PALLD: variants seen among roughly 807,000 people sequenced by gnomAD.
PALLD encodes the protein palladin.
A neutral mutation model predicts 123.5 loss-of-function variants in PALLD; 61 were observed. The ratio of observed to expected loss-of-function variants is 0.49; its 90% CI spans 0.40 to 0.61. The LOEUF is 0.61. PALLD is among the 20% of genes least tolerant of loss of function. The pLI is 0.00. For missense variants in PALLD, 1,273 were observed against 1,377.0 expected, an observed-to-expected ratio of 0.92 and a Z score of 1.20; for synonymous variants, 465 against 496.4, an observed-to-expected ratio of 0.94 and a Z score of 0.84.
At chr4:168,759,020 C>T (rs1224859938) in intron 10 of PALLD, among the ~76,000 whole-genome samples, 1 of 147,750 alleles carries the variant, frequency 6.8e-6, no homozygotes, top group Non-Finnish European at 1.5e-5. Context: ...ACTAAAAATA[C>T]AAAAAAAAAT....
chr4:168,625,862 G>C (rs1313256279), intron 2 of PALLD, among the ~76,000 whole-genome samples: 5 of 151,936 alleles, frequency 3.3e-5, no homozygotes, highest in Non-Finnish European at 7.4e-5. Flanking sequence ...CTCACTTCTG[G>C]GTACATAGCC....
chr4:168,745,008 G>C (rs183335863), intron 10 of PALLD, among the ~76,000 whole-genome samples: 2 of 152,304 alleles, frequency 1.3e-5, no homozygotes, highest in East Asian at 1.9e-4. Flanking sequence ...AGGAGCATCT[G>C]TATAGGCTTT....
rs141763912 is a variant in PALLD, at chr4:168,565,614, G to A, written c.908+53202G>A. The stretch of plus-strand genomic sequence containing the variant: ...GGTCTAATGTCATCTGGAGGTCAAG[G>A]GAAAGCCAGGAGGTCCTCCAGCAGG... On this transcript the variant is annotated intron_variant, in intron 2 of 21. Coordinates refer to ENST00000505667, the MANE Select transcript of PALLD (RefSeq NM_001166108.2). Among the ~76,000 whole-genome samples, 323 of 152,050 alleles carry A rather than the reference G, an allele frequency of 2.1e-3. 5 individuals are homozygous for A. The South Asian group carries it at 0.026, about 12-fold the overall frequency.
At chr4:168,831,842 C>G (rs981497347) in intron 10 of PALLD, among the ~76,000 whole-genome samples, 2 of 152,214 alleles carry the variant, frequency 1.3e-5, no homozygotes, top group Non-Finnish European at 2.9e-5. Context: ...CAGGAAAGCC[C>G]GATTTGTAGC....
intron 10 of PALLD, among the ~76,000 whole-genome samples, chr4:168,821,422 T>G (rs527827363): frequency 3.3e-5 from 5 of 152,158 alleles, no homozygotes; most frequent in Non-Finnish European, 7.3e-5. Flanking sequence ...TTTTTCATCA[T>G]TCATCCCCTT....
intron 3 of PALLD, among the ~76,000 whole-genome samples, chr4:168,669,053 A>C (rs1294787030): frequency 6.6e-6 from 1 of 152,226 alleles, no homozygotes; most frequent in Non-Finnish European, 1.5e-5. Context: ...TAAGCACTGT[A>C]GTGTATATAC....
At chr4:168,777,292 T>C (rs1168759494) in intron 10 of PALLD, among the ~76,000 whole-genome samples, 1 of 152,200 alleles carries the variant, frequency 6.6e-6, no homozygotes, top group African/African-American at 2.4e-5. Flanking sequence ...CAGTAAGCAC[T>C]GCTGCAGTTA....
At chr4:168,518,609 T>C (rs543902277) in intron 2 of PALLD, among the ~76,000 whole-genome samples, 14 of 152,302 alleles carry the variant, frequency 9.2e-5, no homozygotes, top group African/African-American at 2.9e-4. Flanking sequence ...ATCTGCAGGA[T>C]TAAATCCTTG....
At chr4:168,716,510 C>T (rs112954446) in intron 10 of PALLD, among the ~76,000 whole-genome samples, 7 of 152,290 alleles carry the variant, frequency 4.6e-5, no homozygotes, top group African/African-American at 1.2e-4. Flanking sequence ...AAGAGTAAAA[C>T]GATTTCAGGC....
At chr4:168,722,633 A>G (rs1382224989) in intron 10 of PALLD, among the ~76,000 whole-genome samples, 2 of 152,238 alleles carry the variant, frequency 1.3e-5, no homozygotes, top group Admixed American at 1.3e-4. Context: ...AGGAATGTGT[A>G]TATTTCCTGG....
At chr4:168,651,648 T>C (rs1271692550) in intron 2 of PALLD, among the ~76,000 whole-genome samples, 1 of 152,154 alleles carries the variant, frequency 6.6e-6, no homozygotes, top group Non-Finnish European at 1.5e-5. Context: ...AGCAGAATTT[T>C]AGAGCTATTA....
Position 168,579,552 on chromosome 4 carries a change from C to T in PALLD, c.908+67140C>T, listed in dbSNP as rs532800814. 1.7e-4 allele frequency among the ~76,000 whole-genome samples: 26 copies of T among 151,612 alleles called. 1 individual carries two copies. In the South Asian group the frequency reaches 3.1e-3, roughly 18 times the overall value. On this transcript the variant is annotated intron_variant, in intron 2 of 21. Transcript: ENST00000505667. ...GCATATAATATCGGGTAGTTAAAGA[C>T]GGAAAAGGTCTAGGTCAATGTTCTT...
intron 3 of PALLD, among the ~76,000 whole-genome samples, chr4:168,679,507 G>T (rs796393345): frequency 5.5e-5 from 8 of 144,448 alleles, no homozygotes; most frequent in African/African-American, 2.1e-4. Flanking sequence ...GTGTGTGTTT[G>T]TGTGTGGTGG....
intron 10 of PALLD, among the ~76,000 whole-genome samples, chr4:168,774,317 A>AT (rs1428733278): frequency 6.6e-6 from 1 of 152,082 alleles, no homozygotes; most frequent in Non-Finnish European, 1.5e-5. Context: ...ATTGCAGATA[A>AT]TTTTTAACAT....
intron 17 of PALLD, 43 bp from the exon 18 acceptor site, chr4:168,921,490 CT>C: frequency 7.4e-7 from 1 of 1,342,682 alleles, no homozygotes. Context: ...TGATTTCACT[CT>C]GTTTTAATAC....
chr4:168,731,247 G>A (rs549681463), intron 10 of PALLD, among the ~76,000 whole-genome samples: 73 of 152,216 alleles, frequency 4.8e-4, no homozygotes, highest in African/African-American at 1.6e-3. Context: ...GTTTTTTCAC[G>A]ATGAAGCAAG....
chr4:168,913,948 C>A lies in PALLD; in HGVS notation c.2644C>A (p.Arg882=), dbSNP rs758884211. 6.2e-7 allele frequency: 1 copy of A among 1,611,792 alleles called. No homozygotes were observed. Among genetic ancestry groups the A allele is most frequent in the Middle Eastern group, 1.7e-4 (1 of 6,060 alleles). The change falls in exon 16 of 22, where the codon CGG becomes AGG. Residue 882 remains arginine (R), a synonymous_variant. Coordinates refer to ENST00000505667, the MANE Select transcript of PALLD (RefSeq NM_001166108.2). The part of the protein sequence containing the change: ...NPQGRISCTG[R]LMVQAVNQRG... ...ACAGGGCCGCATCAGTTGTACTGGA[C>A]GGCTAATGGTACAGGCTGTCAACCA...
intron 2 of PALLD, among the ~76,000 whole-genome samples, chr4:168,601,443 CCA>C (rs1772642937): frequency 6.6e-6 from 1 of 152,100 alleles, no homozygotes; most frequent in Non-Finnish European, 1.5e-5. Flanking sequence ...GAACCACCCT[CCA>C]CCACTACCAC....
At chr4:168,662,080 T>TA (rs890631898) in intron 2 of PALLD, among the ~76,000 whole-genome samples, 3 of 152,094 alleles carry the variant, frequency 2.0e-5, no homozygotes, top group Non-Finnish European at 4.4e-5. Context: ...TGGCAGAAAA[T>TA]AAAAAATGTG....
Sources: allele counts gnomAD v4.1 joint callset (sites outside exome capture counted in the v4.1 genomes callset), GRCh38; gene constraint gnomAD v4.1.1; transcripts MANE v1.5; gene names NCBI Gene and HGNC (gene_info 2026-07-23, HGNC 2026-07-21).